ARHGAP26: variants seen among roughly 807,000 people sequenced by gnomAD.
ARHGAP26 encodes Rho GTPase activating protein 26.
ARHGAP26 carries 38 observed loss-of-function variants against 104.8 expected under a neutral mutation model. That is an observed-to-expected ratio of 0.36 (90% CI 0.28 to 0.48). The LOEUF is 0.48. ARHGAP26 is among the 20% of genes least tolerant of loss of function. ARHGAP26 has a pLI of 0.99. For synonymous variants in ARHGAP26, 341 were observed against 340.0 expected (o/e 1.00, Z -0.03); for missense variants, 704 against 947.9 (o/e 0.74, Z 3.38).
intron 20 of ARHGAP26, among the ~76,000 whole-genome samples, chr5:143,200,009 C>T (rs1349817707): frequency 6.6e-6 from 1 of 152,188 alleles, no homozygotes; most frequent in African/African-American, 2.4e-5. Flanking sequence ...CCCACACAAC[C>T]CTCTTGTCAA....
chr5:143,177,407 G>A (rs971340285), intron 20 of ARHGAP26, among the ~76,000 whole-genome samples: 7 of 152,150 alleles, frequency 4.6e-5, no homozygotes, highest in African/African-American at 9.7e-5. Flanking sequence ...ATGCTCCCCA[G>A]TGAAAACAGG....
intron 18 of ARHGAP26, among the ~76,000 whole-genome samples, chr5:143,123,612 GA>G (rs1026294657): frequency 6.6e-6 from 1 of 152,220 alleles, no homozygotes; most frequent in Non-Finnish European, 1.5e-5. Flanking sequence ...AGTGTTTTGG[GA>G]GGCTAAGGTG....
chr5:143,198,556 G>T (rs920264054), intron 20 of ARHGAP26, among the ~76,000 whole-genome samples: 2 of 152,140 alleles, frequency 1.3e-5, no homozygotes, highest in African/African-American at 4.8e-5. Flanking sequence ...AGGTTTTTCT[G>T]TACAATGAGC....
chr5:142,800,165 A>G (rs750383719), intron 1 of ARHGAP26, among the ~76,000 whole-genome samples: 28 of 152,204 alleles, frequency 1.8e-4, no homozygotes, highest in Admixed American at 1.3e-3. Context: ...TAAGTTTCTA[A>G]TGATGAATAA....
At chr5:143,053,651 C>A (rs1243068765) in intron 14 of ARHGAP26, among the ~76,000 whole-genome samples, 2 of 152,188 alleles carry the variant, frequency 1.3e-5, no homozygotes, top group African/African-American at 4.8e-5. Flanking sequence ...AAAGTCCATG[C>A]AAGAAGAGAC....
intron 10 of ARHGAP26, among the ~76,000 whole-genome samples, chr5:142,915,854 A>G (rs1762404872): frequency 6.6e-6 from 1 of 152,010 alleles, no homozygotes; most frequent in South Asian, 2.1e-4. Context: ...AGGAAAAGGC[A>G]TTTTCATGCG....
chr5:143,213,225 C>T (rs1809790927), intron 21 of ARHGAP26, among the ~76,000 whole-genome samples: 2 of 152,184 alleles, frequency 1.3e-5, no homozygotes, highest in South Asian at 4.1e-4. Context: ...TTTCTAAATG[C>T]TCCCCAGGTG....
chr5:143,157,267 C>G (rs1331158029), intron 20 of ARHGAP26, among the ~76,000 whole-genome samples: 1 of 151,328 alleles, frequency 6.6e-6, no homozygotes, highest in Admixed American at 6.6e-5. Context: ...ACCTCCACAT[C>G]CTGGGTTCAA....
chr5:143,219,775 T>A (rs1810897086), intron 22 of ARHGAP26, among the ~76,000 whole-genome samples: 1 of 152,234 alleles, frequency 6.6e-6, no homozygotes. Context: ...TGTGTCCCAT[T>A]CCCAGAGATT....
intron 20 of ARHGAP26, among the ~76,000 whole-genome samples, chr5:143,184,654 A>G (rs567342767): frequency 9.1e-4 from 138 of 152,294 alleles, no homozygotes; most frequent in Middle Eastern, 3.4e-3. Context: ...TTGTTCTGAA[A>G]CACTGCAGTG....
At chr5:142,847,073 C>T (rs778217556) in intron 1 of ARHGAP26, among the ~76,000 whole-genome samples, 4 of 152,172 alleles carry the variant, frequency 2.6e-5, no homozygotes, top group Non-Finnish European at 1.5e-5. Context: ...TGCTTGCTCT[C>T]GGTGCACCTT....
At chr5:143,156,307 A>G (rs1187424519) in intron 20 of ARHGAP26, among the ~76,000 whole-genome samples, 1 of 152,180 alleles carries the variant, frequency 6.6e-6, no homozygotes, top group East Asian at 1.9e-4. Context: ...CAGCCTTAGA[A>G]TCTTGTTTTT....
chr5:142,809,582 G>C (rs1398262412), intron 1 of ARHGAP26, among the ~76,000 whole-genome samples: 1 of 152,214 alleles, frequency 6.6e-6, no homozygotes, highest in Non-Finnish European at 1.5e-5. Context: ...CCACCTGCAA[G>C]GGATGGCTGT....
intron 17 of ARHGAP26, among the ~76,000 whole-genome samples, chr5:143,086,995 C>T (rs1454667515): frequency 2.0e-5 from 3 of 152,208 alleles, no homozygotes; most frequent in African/African-American, 4.8e-5. Flanking sequence ...CTGAGTTTTA[C>T]GAGCTTGCTA....
intron 17 of ARHGAP26, among the ~76,000 whole-genome samples, chr5:143,108,016 T>A (rs1489811360): frequency 6.6e-6 from 1 of 152,242 alleles, no homozygotes; most frequent in Non-Finnish European, 1.5e-5. Context: ...AATCCTCACA[T>A]GTACCACTAT....
intron 22 of ARHGAP26, chr5:143,216,275 C>T (rs879599945): frequency 2.8e-5 from 13 of 471,026 alleles, no homozygotes; most frequent in Admixed American, 1.4e-4. Context: ...TTCCACTGGC[C>T]GCCTGACACA....
intron 10 of ARHGAP26, chr5:142,919,528 A>G: frequency 2.5e-6 from 1 of 397,608 alleles, no homozygotes. Context: ...ATGAAGCAGC[A>G]CTCATGCACC....
At chr5:143,099,050 A>C (rs2150594389) in intron 17 of ARHGAP26, among the ~76,000 whole-genome samples, 1 of 152,326 alleles carries the variant, frequency 6.6e-6, no homozygotes, top group South Asian at 2.1e-4. Context: ...TTTGATTTAA[A>C]ACTGGTTAAT....
chr5:142,959,167 C>T (rs1308453680), intron 11 of ARHGAP26, among the ~76,000 whole-genome samples: 1 of 152,158 alleles, frequency 6.6e-6, no homozygotes, highest in Non-Finnish European at 1.5e-5. Flanking sequence ...ATTTTATGCT[C>T]CATTATGTCA....
Sources: allele counts gnomAD v4.1 joint callset (sites outside exome capture counted in the v4.1 genomes callset), GRCh38; gene constraint gnomAD v4.1.1; transcripts MANE v1.5; gene names NCBI Gene and HGNC (gene_info 2026-07-23, HGNC 2026-07-21).